BCL9: variants seen among roughly 807,000 people sequenced by gnomAD.
The protein encoded by BCL9 is BCL9 transcription coactivator, also known as B-cell CLL/lymphoma 9 protein.
BCL9 carries 25 observed loss-of-function variants against 88.5 expected under a neutral mutation model. The ratio of observed to expected loss-of-function variants is 0.28; its 90% CI spans 0.21 to 0.39. The LOEUF (loss-of-function observed/expected upper bound fraction) is 0.39, where lower values mean the gene tolerates loss of function less well. BCL9 is among the 10% of genes least tolerant of loss of function. BCL9 has a pLI of 1.00. For synonymous variants in BCL9, 711 were observed against 673.3 expected, an observed-to-expected ratio of 1.06 and a Z score of -0.87; for missense variants, 1,817 against 1,877.8, an observed-to-expected ratio of 0.97 and a Z score of 0.60.
At chr1:147,588,521 C>CA (rs1394621786) in intron 1 of BCL9, among the ~76,000 whole-genome samples, 1 of 152,132 alleles carries the variant, frequency 6.6e-6, no homozygotes, top group Non-Finnish European at 1.5e-5. Context: ...ATCAAGATGT[C>CA]AGACTATGGG....
At chr1:147,600,717 T>C (rs1316521089) in intron 1 of BCL9, among the ~76,000 whole-genome samples, 1 of 151,724 alleles carries the variant, frequency 6.6e-6, no homozygotes, top group African/African-American at 2.4e-5. Context: ...GGGATTGAGT[T>C]TGATGAGGTC....
At chr1:147,618,534 A>G (rs1658417919) in intron 7 of BCL9, among the ~76,000 whole-genome samples, 1 of 152,148 alleles carries the variant, frequency 6.6e-6, no homozygotes, top group South Asian at 2.1e-4. Flanking sequence ...AGATACTGAA[A>G]TGTATTCACT....
chr1:147,570,716 A>T (rs186295548), intron 1 of BCL9, among the ~76,000 whole-genome samples: 69 of 142,680 alleles, frequency 4.8e-4, no homozygotes, highest in African/African-American at 1.8e-3. Context: ...GCTCACTGCA[A>T]ACTCTGCCTC....
At chr1:147,579,335 A>G (rs1656258809) in intron 1 of BCL9, among the ~76,000 whole-genome samples, 1 of 152,190 alleles carries the variant, frequency 6.6e-6, no homozygotes, top group South Asian at 2.1e-4. Flanking sequence ...GATTTTTGGC[A>G]TATTCATTCC....
Position 147,619,443 on chromosome 1 carries a change from T to C in BCL9, c.1288T>C (p.Phe430Leu), listed in dbSNP as rs782148406. The C allele has an allele frequency of 2.0e-5, 32 of 1,614,110 alleles. No homozygotes were observed. Among genetic ancestry groups the C allele is most frequent in the Non-Finnish European group, 2.7e-5 (32 of 1,180,022 alleles). ...GCCCCGGACAGACGTGGGAGCTCCA[T>C]TTGGCCCTCAAGGACATAGAGATGT... Reference protein sequence around the residue: ...PGPRTDVGAPFGPQGHRDVPF... With the variant: ...PGPRTDVGAPLGPQGHRDVPF... The change falls in exon 8 of 10, where the codon TTT becomes CTT. Residue 430 changes from phenylalanine (F) to leucine (L), a missense_variant. Phe to Leu is a conservative substitution (Grantham distance 22). Transcript: ENST00000234739. This position sits in a 1 kb window ranked among gnomAD's most constrained non-coding sequence, Gnocchi z 4.1.
At chr1:147,560,919 A>G (rs980543743) in intron 1 of BCL9, among the ~76,000 whole-genome samples, 2 of 152,218 alleles carry the variant, frequency 1.3e-5, no homozygotes, top group Non-Finnish European at 1.5e-5. Flanking sequence ...TCTTACTCAT[A>G]AAGAGAGTCA....
chr1:147,564,028 G>A (rs1570827502), intron 1 of BCL9, among the ~76,000 whole-genome samples: 1 of 152,198 alleles, frequency 6.6e-6, no homozygotes, highest in Non-Finnish European at 1.5e-5. Flanking sequence ...CATTCTAGGA[G>A]GAGTGGGGGT....
intron 1 of BCL9, among the ~76,000 whole-genome samples, chr1:147,586,953 C>G (rs1447240924): frequency 1.3e-5 from 2 of 152,116 alleles, no homozygotes; most frequent in African/African-American, 4.8e-5. Context: ...AAGCCCACCA[C>G]ACCGAAATGG....
intron 1 of BCL9, among the ~76,000 whole-genome samples, chr1:147,569,735 C>T (rs1252111455): frequency 2.0e-5 from 3 of 152,120 alleles, no homozygotes; most frequent in South Asian, 2.1e-4. Flanking sequence ...GAGATATTAA[C>T]TAGCAGACTG....
At chr1:147,589,837 C>G (rs1461433000) in intron 1 of BCL9, among the ~76,000 whole-genome samples, 2 of 152,132 alleles carry the variant, frequency 1.3e-5, no homozygotes, top group East Asian at 3.8e-4. Flanking sequence ...TTTTATTTCT[C>G]TTAGATAGAC....
At chr1:147,577,997 C>T (rs1429994582) in intron 1 of BCL9, among the ~76,000 whole-genome samples, 4 of 152,096 alleles carry the variant, frequency 2.6e-5, no homozygotes, top group Non-Finnish European at 5.9e-5. Flanking sequence ...GATTATTTCC[C>T]CTTTTATTCA....
chr1:147,619,753 C>G lies in BCL9; in HGVS notation c.1598C>G (p.Pro533Arg), dbSNP rs375516087. 2 of 1,614,064 alleles carry G rather than the reference C, an allele frequency of 1.2e-6. No individual in the cohort carries two copies. The highest frequency in any genetic ancestry group is 2.7e-5 in the African/African-American group (2 of 75,016). The change falls in exon 8 of 10, where the codon CCA becomes CGA. Residue 533 changes from proline to arginine, a missense_variant. Coordinates refer to ENST00000234739, the MANE Select transcript of BCL9 (RefSeq NM_004326.4). This position sits in a 1 kb window ranked among gnomAD's most constrained non-coding sequence, Gnocchi z 4.1. ...GGCTGGGCACCTGGGGGTACAGAGC[C>G]ATTTTCTGATGGTATCAACATGCCA... ...SEGWAPGGTE[P>R]FSDGINMPHS...
Position 147,624,869 on chromosome 1 carries a change from C to T in BCL9, c.4191C>T (p.Pro1397=), listed in dbSNP as rs782114705. ...MMGPQQNIMI[P]PQMRPRGMAA... is the part of the protein sequence containing the mutation. ...GACCCCAACAGAACATCATGATCCC[C>T]CCACAGATGAGGCCCCGGGGCATGG... is the stretch of plus-strand genomic sequence containing the variant. Residue 1397 remains proline (P), a synonymous_variant, in exon 10 of 10, where the codon CCC becomes CCT. Coordinates refer to ENST00000234739, the MANE Select transcript of BCL9 (RefSeq NM_004326.4). This position sits in a 1 kb window ranked among gnomAD's most constrained non-coding sequence, Gnocchi z 4.4. The T allele has an allele frequency of 2.5e-6, 4 of 1,613,800 alleles. No individual in the cohort carries two copies. The highest frequency in any genetic ancestry group is 3.4e-6 in the Non-Finnish European group (4 of 1,179,948).
chr1:147,605,277 A>C (rs1490224436), intron 2 of BCL9, among the ~76,000 whole-genome samples: 1 of 152,240 alleles, frequency 6.6e-6, no homozygotes, highest in Non-Finnish European at 1.5e-5. Flanking sequence ...AGTTTCTTCC[A>C]GGTATCAGGT....
intron 1 of BCL9, among the ~76,000 whole-genome samples, chr1:147,592,609 G>A (rs1424822723): frequency 2.0e-5 from 3 of 152,220 alleles, no homozygotes; most frequent in African/African-American, 7.2e-5. Context: ...TTAAAAGAGT[G>A]TGTCAGGAGA....
rs781904363 is a variant in BCL9 at position 147,623,970 on chromosome 1, G to A, written c.3292G>A (p.Val1098Met). Residue 1098 changes from valine (V) to methionine (M), a missense_variant, in exon 10 of 10, where the codon GTG (valine) becomes ATG (methionine). By Grantham distance (21) the Val-to-Met change is conservative. Around this residue, in one of 2 missense-constraint regions of BCL9, gnomAD observed 589 missense variants for 686.2 expected, o/e 0.86. Transcript: ENST00000234739. ...CAATCAGATGCCCTCTCCAAATGCC[G>A]TGGGACCCAACATACCTCCTCATGG... ...HSNQMPSPNA[V>M]GPNIPPHGVP... 3.2e-5 allele frequency: 52 copies of A among 1,614,034 alleles called. No individual in the cohort carries two copies. Among genetic ancestry groups the A allele is most frequent in the African/African-American group, 4.0e-5 (3 of 74,896 alleles).
rs373473674 is a variant in BCL9 at position 147,612,782 on chromosome 1, C to T, written c.54-101C>T. On this transcript the variant is annotated intron_variant, in intron 4 of 9. Transcript: ENST00000234739. ...GAATCATGGGGTGGTTATTTTAGTCCTAAGGGTCTCCTTGACCCCCAATAG... is the reference window on the plus strand; with the variant it reads ...GAATCATGGGGTGGTTATTTTAGTCTTAAGGGTCTCCTTGACCCCCAATAG... 1.3e-5 allele frequency: 16 copies of T among 1,212,850 alleles called. No homozygotes were observed. The African/African-American group carries it at 2.0e-4, about 15-fold the overall frequency. The allele number at this position is 1,212,850 out of a possible 1,614,324, so 75.1% of individuals were successfully genotyped here.
rs782312961 is a variant in BCL9, at chr1:147,620,844, G to C, written c.2689G>C (p.Ala897Pro). ...QTPSQLAGML[A>P]GPAAAASIKS... is the part of the protein sequence containing the mutation. ...TCCATCGCAGCTGGCAGGCATGCTG[G>C]CGGGCCCAGCTGCTGCTGCTTCCAT... Residue 897 changes from alanine to proline, a missense_variant, in exon 8 of 10, where the codon GCG becomes CCG. Transcript: ENST00000234739. 1.2e-6 allele frequency: 2 copies of C among 1,614,160 alleles called. No homozygotes were observed. Among genetic ancestry groups the C allele is most frequent in the Non-Finnish European group, 1.7e-6 (2 of 1,180,020 alleles).
intron 7 of BCL9, among the ~76,000 whole-genome samples, chr1:147,616,419 A>G (rs1353211547): frequency 6.6e-6 from 1 of 152,220 alleles, no homozygotes; most frequent in Non-Finnish European, 1.5e-5. Context: ...ATTGTAATAA[A>G]TGTTAGTCTG....
Sources: allele counts gnomAD v4.1 joint callset (sites outside exome capture counted in the v4.1 genomes callset), GRCh38; gene constraint gnomAD v4.1.1; regional missense constraint gnomAD v4.1.1; non-coding constraint Gnocchi (gnomAD v3.1); transcripts MANE v1.5; gene names NCBI Gene and HGNC (gene_info 2026-07-23, HGNC 2026-07-21).